Variants in MNAT1 observed in about 807,000 individuals in gnomAD.
The protein encoded by MNAT1 is CDK-activating kinase assembly factor MAT1.
Under a neutral mutation model 42.0 loss-of-function variants are expected in MNAT1, and 43 were observed. That is an observed-to-expected ratio of 1.02 (90% CI 0.80 to 1.32). The LOEUF is 1.32. Among genes scored for constraint, MNAT1 ranks in the 40% most tolerant of loss-of-function variants. MNAT1 has a pLI of 0.00. For missense variants in MNAT1, 306 were observed against 350.4 expected, an observed-to-expected ratio of 0.87 and a Z score of 1.01; for synonymous variants, 118 against 120.0, an observed-to-expected ratio of 0.98 and a Z score of 0.11.
intron 6 of MNAT1, among the ~76,000 whole-genome samples, chr14:60,874,063 G>A (rs1359067493): frequency 1.3e-5 from 2 of 152,080 alleles, no homozygotes; most frequent in Non-Finnish European, 2.9e-5. Flanking sequence ...AGATTTTAAA[G>A]GTTTACTAAA....
At chr14:60,941,200 G>A (rs1245381366) in intron 7 of MNAT1, among the ~76,000 whole-genome samples, 1 of 152,210 alleles carries the variant, frequency 6.6e-6, no homozygotes. Flanking sequence ...TTACTGTTTT[G>A]TTCCTCATCT....
chr14:60,949,850 T>C (rs1460654769), intron 7 of MNAT1, among the ~76,000 whole-genome samples: 2 of 152,284 alleles, frequency 1.3e-5, no homozygotes, highest in Admixed American at 1.3e-4. Context: ...TGGAAGAAAG[T>C]ACAAGTTTTC....
At chr14:60,936,977 T>G (rs2036011806) in intron 7 of MNAT1, among the ~76,000 whole-genome samples, 1 of 151,810 alleles carries the variant, frequency 6.6e-6, no homozygotes, top group Admixed American at 6.5e-5. Flanking sequence ...TGATGGCCAG[T>G]GATGCTGAGC....
chr14:60,743,617 T>C (rs1594715770), intron 1 of MNAT1, among the ~76,000 whole-genome samples: 1 of 152,204 alleles, frequency 6.6e-6, no homozygotes, highest in South Asian at 2.1e-4. Context: ...TGTAGGTGTG[T>C]TGGTGAAGAA....
At position 60,737,879 on chromosome 14, in the gene MNAT1, C is replaced by T. The variant is rs867949735; in HGVS notation, c.89+2928C>T. Among the ~76,000 whole-genome samples the T allele has an allele frequency of 1.2e-3, 182 of 148,410 alleles. 1 individual carries two copies. Among genetic ancestry groups the T allele is most frequent in the African/African-American group, 4.3e-3 (174 of 40,362 alleles). ...TTTTTTTTTTTTTGAGAAGGAGTCT[C>T]GCTCTGTCGCCCAGGCTAGAGTGCA... On this transcript the variant is annotated intron_variant, in intron 1 of 7. Transcript: ENST00000261245.
chr14:60,919,503 T>G (rs1405913629), intron 7 of MNAT1: 2 of 152,548 alleles, frequency 1.3e-5, no homozygotes, highest in African/African-American at 2.4e-5. Context: ...TTTGGTGAGG[T>G]CCAGGTACAG....
chr14:60,946,609 G>A (rs142317332), intron 7 of MNAT1, among the ~76,000 whole-genome samples: 1 of 151,842 alleles, frequency 6.6e-6, no homozygotes, highest in East Asian at 1.9e-4. Flanking sequence ...ATTGTGTGAA[G>A]TCATTCCTTG....
intron 5 of MNAT1, among the ~76,000 whole-genome samples, chr14:60,815,566 A>G (rs933112497): frequency 3.3e-5 from 5 of 152,190 alleles, no homozygotes; most frequent in East Asian, 3.9e-4. Flanking sequence ...TTGAGCTGCT[A>G]TTGACATGAA....
At chr14:60,947,622 G>T (rs1217103674) in intron 7 of MNAT1, among the ~76,000 whole-genome samples, 1 of 152,162 alleles carries the variant, frequency 6.6e-6, no homozygotes, top group Non-Finnish European at 1.5e-5. Flanking sequence ...GGCAGAGGTT[G>T]CAGTAAGTCC....
At chr14:60,753,198 G>T (rs568829349) in intron 1 of MNAT1, among the ~76,000 whole-genome samples, 2 of 152,316 alleles carry the variant, frequency 1.3e-5, no homozygotes, top group African/African-American at 4.8e-5. Context: ...TTGGCTCAGG[G>T]TGTCTCATGA....
Position 60,812,032 on chromosome 14 carries a change from C to A in MNAT1, c.466C>A (p.Gln156Lys). 2 of 1,603,812 alleles carry A rather than the reference C, an allele frequency of 1.2e-6. No individual in the cohort carries two copies. Among genetic ancestry groups the A allele is most frequent in the South Asian group, 1.1e-5 (1 of 87,562 alleles). Residue 156 changes from glutamine to lysine, a missense_variant, in exon 5 of 8, where the codon CAG becomes AAG. Coordinates refer to ENST00000261245, the MANE Select transcript of MNAT1 (RefSeq NM_002431.4). ...ELEEALEVER[Q>K]ENEQRRLFIQ... ...GGAAGAAGCTTTAGAAGTGGAACGA[C>A]AGGAAAATGAACAAAGAAGATTATT...
At chr14:60,857,241 C>T (rs2033983690) in intron 6 of MNAT1, among the ~76,000 whole-genome samples, 1 of 152,190 alleles carries the variant, frequency 6.6e-6, no homozygotes, top group South Asian at 2.1e-4. Context: ...AAAATGTCAA[C>T]ATTACTAGTT....
intron 6 of MNAT1, among the ~76,000 whole-genome samples, chr14:60,820,212 A>G (rs2032841717): frequency 6.6e-6 from 1 of 152,102 alleles, no homozygotes; most frequent in Non-Finnish European, 1.5e-5. Flanking sequence ...AGATGACACA[A>G]TGTAGCTACA....
intron 3 of MNAT1, among the ~76,000 whole-genome samples, chr14:60,807,240 T>A (rs1303696726): frequency 6.6e-6 from 1 of 152,212 alleles, no homozygotes; most frequent in Admixed American, 6.5e-5. Flanking sequence ...TGAGTCTGTT[T>A]GATGGCTTTA....
intron 6 of MNAT1, among the ~76,000 whole-genome samples, chr14:60,870,294 T>A (rs138973037): frequency 1.3e-5 from 2 of 152,112 alleles, no homozygotes; most frequent in African/African-American, 4.8e-5. Context: ...AAACACTAAT[T>A]ATATATACTA....
intron 7 of MNAT1, among the ~76,000 whole-genome samples, chr14:60,911,351 C>G (rs919111015): frequency 1.3e-5 from 2 of 152,062 alleles, no homozygotes; most frequent in African/African-American, 4.8e-5. Flanking sequence ...TTAGTTATGT[C>G]TTGCCTTCTG....
In MNAT1 at chr14:60,959,220, G is replaced by A. The variant is rs76813810; in HGVS notation, c.810-9009G>A. On this transcript the variant is annotated intron_variant, in intron 7 of 7. Coordinates refer to ENST00000261245, the MANE Select transcript of MNAT1 (RefSeq NM_002431.4). ...AGGGTCTTCTGCAGAGCAAGCTGCC[G>A]TGGTCCACCTCAGTGAACACCGTGG... is the stretch of plus-strand genomic sequence containing the variant. Among the ~76,000 whole-genome samples the A allele has an allele frequency of 7.6e-3, 1,165 of 152,314 alleles. 8 individuals are homozygous for A. The highest frequency in any genetic ancestry group is 0.02 in the Middle Eastern group (6 of 294).
At chr14:60,842,967 G>A (rs1250829550) in intron 6 of MNAT1, among the ~76,000 whole-genome samples, 14 of 152,134 alleles carry the variant, frequency 9.2e-5, no homozygotes, top group South Asian at 4.1e-4. Flanking sequence ...TTGATTTTGC[G>A]TCATCATGAA....
chr14:60,906,294 G>T (rs752317843), intron 7 of MNAT1, among the ~76,000 whole-genome samples: 1 of 152,158 alleles, frequency 6.6e-6, no homozygotes, highest in Non-Finnish European at 1.5e-5. Flanking sequence ...TATAGACCAT[G>T]GTCAAGACTT....
Sources: gnomAD v4.1 joint callset for allele counts (sites outside exome capture counted in the v4.1 genomes callset) on GRCh38, gnomAD v4.1.1 for gene constraint, MANE v1.5 for transcripts, NCBI Gene and HGNC (gene_info 2026-07-23, HGNC 2026-07-21) for gene names.